Variants in STXBP5L observed in about 807,000 individuals in gnomAD.
The protein encoded by STXBP5L is syntaxin binding protein 5L.
Under a neutral mutation model 144.5 loss-of-function variants are expected in STXBP5L, and 65 were observed. The observed-to-expected ratio is 0.45, with a 90% CI of 0.37 to 0.55. STXBP5L has a LOEUF of 0.55. Ranked by LOEUF, STXBP5L falls within the 20% of genes least tolerant of loss-of-function variation. STXBP5L has a pLI of 0.00. For synonymous variants in STXBP5L, 505 were observed against 469.6 expected (o/e 1.08, Z -0.97); for missense variants, 1,298 against 1,405.5 (o/e 0.92, Z 1.22).
At chr3:121,156,738 TATA>T (rs1318652842) in intron 8 of STXBP5L, among the ~76,000 whole-genome samples, 1 of 151,744 alleles carries the variant, frequency 6.6e-6, no homozygotes, top group Non-Finnish European at 1.5e-5. Context: ...TTTAAAACAA[TATA>T]ATAATTTATA....
chr3:121,053,620 A>G lies in STXBP5L; in HGVS notation c.470+8085A>G, dbSNP rs1010684129. Among the ~76,000 whole-genome samples the G allele has an allele frequency of 3.3e-5, 5 of 152,208 alleles. No homozygotes were observed. In the South Asian group the frequency reaches 8.3e-4, roughly 25 times the overall value. ...GATTAAAGACTTAAATGTTAGACCT[A>G]AAACCATAAAAACCCTAGAAGAAAA... On this transcript the variant is annotated intron_variant, in intron 5 of 26. Coordinates refer to ENST00000471454, the MANE Select transcript of STXBP5L (RefSeq NM_001308330.2).
intron 2 of STXBP5L, among the ~76,000 whole-genome samples, chr3:120,947,055 C>T (rs1011330881): frequency 1.3e-5 from 2 of 151,628 alleles, no homozygotes; most frequent in Admixed American, 6.6e-5. Context: ...ACTATTGATA[C>T]GTTGGCCACT....
rs1363926846 is a variant in STXBP5L, at chr3:121,121,661, G to A, written c.626G>A (p.Gly209Asp). Residue 209 changes from glycine to aspartate, a missense_variant, in exon 7 of 27, where the codon GGT becomes GAT. By Grantham distance (94) the Gly-to-Asp change is moderately conservative (BLOSUM62 -1). Transcript: ENST00000471454. ...AIELSTKTHP[G>D]PVVHLSDSPR... is the part of the protein sequence containing the mutation. The stretch of plus-strand genomic sequence containing the variant: ...AACAGATCCACTAAGACTCATCCAG[G>A]TCCAGTTGTACATTTAAGCGATAGC... 2.5e-6 allele frequency: 4 copies of A among 1,604,594 alleles called. No homozygotes were observed. The Admixed American group carries it at 5.0e-5, about 20-fold the overall frequency.
intron 14 of STXBP5L, among the ~76,000 whole-genome samples, chr3:121,247,388 G>A (rs761622675): frequency 4.6e-5 from 7 of 152,200 alleles, no homozygotes; most frequent in Non-Finnish European, 8.8e-5. Flanking sequence ...AGGGATACAT[G>A]TGTAGGATTG....
intron 1 of STXBP5L, 88 bp from the exon 2 acceptor site, chr3:120,909,483 C>T (rs925277954): frequency 2.5e-5 from 29 of 1,171,612 alleles, no homozygotes; most frequent in Non-Finnish European, 3.2e-5. Flanking sequence ...ACTGACTTGA[C>T]TAATGAAAAG....
intron 19 of STXBP5L, among the ~76,000 whole-genome samples, chr3:121,301,912 G>A (rs1042684994): frequency 3.9e-5 from 6 of 152,312 alleles, no homozygotes; most frequent in Middle Eastern, 3.4e-3. Context: ...GACTATGGTG[G>A]ATAAGCGTTT....
At chr3:121,251,741 C>T (rs1342377500) in intron 15 of STXBP5L, among the ~76,000 whole-genome samples, 1 of 152,068 alleles carries the variant, frequency 6.6e-6, no homozygotes, top group African/African-American at 2.4e-5. Context: ...TGAATAGCTT[C>T]TGAGGAAGAC....
intron 3 of STXBP5L, among the ~76,000 whole-genome samples, chr3:121,027,976 C>G (rs1288131013): frequency 6.6e-6 from 1 of 151,960 alleles, no homozygotes; most frequent in South Asian, 2.1e-4. Flanking sequence ...ACTCTGTAAA[C>G]TGTCACTTGA....
intron 7 of STXBP5L, among the ~76,000 whole-genome samples, chr3:121,140,879 G>A (rs908033869): frequency 6.6e-6 from 1 of 152,128 alleles, no homozygotes; most frequent in African/African-American, 2.4e-5. Flanking sequence ...AAAATATAGA[G>A]TGTAGATGTT....
intron 20 of STXBP5L, among the ~76,000 whole-genome samples, chr3:121,349,759 A>T (rs1560006144): frequency 6.6e-6 from 1 of 151,910 alleles, no homozygotes; most frequent in Non-Finnish European, 1.5e-5. Context: ...AGTCTGTTTT[A>T]TCAGAGACTA....
intron 3 of STXBP5L, among the ~76,000 whole-genome samples, chr3:120,973,734 C>G (rs77624267): frequency 6.6e-6 from 1 of 151,484 alleles, no homozygotes; most frequent in Non-Finnish European, 1.5e-5. Flanking sequence ...TGATGTTCCC[C>G]TTCCTGTGTC....
At chr3:121,059,399 G>C (rs576872836) in intron 5 of STXBP5L, among the ~76,000 whole-genome samples, 8 of 152,288 alleles carry the variant, frequency 5.3e-5, no homozygotes, top group Middle Eastern at 3.4e-3. Flanking sequence ...CTTGAAGTCA[G>C]GTAGCATGGT....
At chr3:121,387,966 G>A (rs1321285818) in intron 22 of STXBP5L, among the ~76,000 whole-genome samples, 2 of 152,130 alleles carry the variant, frequency 1.3e-5, no homozygotes, top group Non-Finnish European at 2.9e-5. Context: ...GATGGGGATG[G>A]CATTGAATCT....
At chr3:120,928,639 AGTGTGTGTGTGTGTGT>A (rs71133519) in intron 2 of STXBP5L, among the ~76,000 whole-genome samples, 46 of 147,252 alleles carry the variant, frequency 3.1e-4, no homozygotes, top group African/African-American at 1.0e-3. Context: ...TGGTATACAG[AGTGTGTGTGTGTGTGT>A]GTGTGTGTGT....
intron 5 of STXBP5L, among the ~76,000 whole-genome samples, chr3:121,100,406 G>A (rs939329954): frequency 6.6e-6 from 1 of 151,964 alleles, no homozygotes; most frequent in African/African-American, 2.4e-5. Context: ...CATACTCTCA[G>A]AAAACAGTGG....
intron 9 of STXBP5L, among the ~76,000 whole-genome samples, chr3:121,194,814 A>C (rs1195637200): frequency 6.7e-6 from 1 of 150,172 alleles, no homozygotes; most frequent in African/African-American, 2.5e-5. Context: ...GAATTTATCC[A>C]TTTTGTACAG....
At chr3:120,984,632 C>CTTTTTTTTTTTTTTTTTTTTTT (rs35656223) in intron 3 of STXBP5L, among the ~76,000 whole-genome samples, 36 of 71,964 alleles carry the variant, frequency 5.0e-4, no homozygotes, top group African/African-American at 1.0e-3. Flanking sequence ...TCTTTCTTTC[C>CTTTTTTTTTTTTTTTTTTTTTT]TTTTTTTTTT....
chr3:121,208,225 T>G (rs1200367847), intron 10 of STXBP5L, among the ~76,000 whole-genome samples: 1 of 148,820 alleles, frequency 6.7e-6, no homozygotes, highest in African/African-American at 2.5e-5. Flanking sequence ...CAGCAGACTA[T>G]CCCAAGGGCA....
intron 18 of STXBP5L, among the ~76,000 whole-genome samples, chr3:121,278,117 C>T (rs1385975556): frequency 2.0e-5 from 3 of 151,896 alleles, no homozygotes; most frequent in Non-Finnish European, 4.4e-5. Flanking sequence ...TAAATGAGAC[C>T]ATCAATCTCT....
Sources: gnomAD v4.1 joint callset for allele counts (sites outside exome capture counted in the v4.1 genomes callset) on GRCh38, gnomAD v4.1.1 for gene constraint, MANE v1.5 for transcripts, NCBI Gene and HGNC (gene_info 2026-07-23, HGNC 2026-07-21) for gene names.